LRMDA: variants seen among roughly 807,000 people sequenced by gnomAD.
LRMDA encodes leucine-rich melanocyte differentiation-associated protein.
Under a neutral mutation model 29.8 loss-of-function variants are expected in LRMDA, and 18 were observed. The observed-to-expected ratio is 0.60, with a 90% CI of 0.42 to 0.90. LRMDA has a LOEUF of 0.90. Among genes scored for constraint, LRMDA ranks in the 40% least tolerant of loss-of-function variants. The pLI, the probability that LRMDA is intolerant of heterozygous loss-of-function variation, is 0.00. For synonymous variants in LRMDA, 125 were observed against 109.4 expected (o/e 1.14, Z -0.89); for missense variants, 273 against 273.9 (o/e 1.00, Z 0.02).
chr10:75,894,242 T>C, intron 2 of LRMDA, among the ~76,000 whole-genome samples: 1 of 152,088 alleles, frequency 6.6e-6, no homozygotes, highest in East Asian at 1.9e-4. Flanking sequence ...TGTGTCATCA[T>C]AGCTTAGCTC....
rs187769026 is a variant in LRMDA at position 76,082,540 on chromosome 10, C to T, written c.516+23757C>T. Among the ~76,000 whole-genome samples, 231 of 151,864 alleles carry T rather than the reference C, an allele frequency of 1.5e-3. 1 individual carries two copies. The highest frequency in any genetic ancestry group is 5.3e-3 in the African/African-American group (221 of 41,394). On this transcript the variant is annotated intron_variant, in intron 5 of 6. Transcript: ENST00000611255. ...TTTCCATTAGATGTTTATTGCTCACCGAGAATTGGCTTAGAAACCTGTATT... is the reference window on the plus strand; with the variant it reads ...TTTCCATTAGATGTTTATTGCTCACTGAGAATTGGCTTAGAAACCTGTATT...
chr10:76,171,444 T>C (rs1419825717), intron 5 of LRMDA, among the ~76,000 whole-genome samples: 1 of 152,194 alleles, frequency 6.6e-6, no homozygotes, highest in Non-Finnish European at 1.5e-5. Context: ...CAGCCTATCT[T>C]TGATACATTC....
intron 6 of LRMDA, among the ~76,000 whole-genome samples, chr10:76,355,345 C>T (rs1841226069): frequency 6.6e-6 from 1 of 152,012 alleles, no homozygotes; most frequent in Non-Finnish European, 1.5e-5. Flanking sequence ...CCAGAACTCT[C>T]CGTTAAAGAA....
At chr10:76,514,728 C>T (rs1230769853) in intron 6 of LRMDA, among the ~76,000 whole-genome samples, 1 of 152,102 alleles carries the variant, frequency 6.6e-6, no homozygotes, top group East Asian at 1.9e-4. Flanking sequence ...GGAGTGCAGC[C>T]TGAAAACTGT....
chr10:75,864,779 T>G (rs763741023), intron 2 of LRMDA, among the ~76,000 whole-genome samples: 9 of 152,224 alleles, frequency 5.9e-5, no homozygotes, highest in African/African-American at 1.2e-4. Flanking sequence ...ATATATTCAT[T>G]TTTGTTTTGA....
chr10:75,945,070 G>C (rs1188526104), intron 2 of LRMDA, among the ~76,000 whole-genome samples: 2 of 152,026 alleles, frequency 1.3e-5, no homozygotes, highest in Non-Finnish European at 2.9e-5. Flanking sequence ...TTGTGTCCTG[G>C]ACATTGTAGA....
chr10:75,778,183 T>G (rs928277005), intron 2 of LRMDA, among the ~76,000 whole-genome samples: 1 of 152,178 alleles, frequency 6.6e-6, no homozygotes. Flanking sequence ...GTTCTGGTGA[T>G]TCTCCTGCCT....
intron 5 of LRMDA, among the ~76,000 whole-genome samples, chr10:76,308,421 T>A (rs1469885006): frequency 6.6e-6 from 1 of 152,156 alleles, no homozygotes; most frequent in Non-Finnish European, 1.5e-5. Flanking sequence ...GGGAGCCACA[T>A]GGTGGCTGTT....
At chr10:76,276,540 C>T (rs1840137155) in intron 5 of LRMDA, among the ~76,000 whole-genome samples, 1 of 152,094 alleles carries the variant, frequency 6.6e-6, no homozygotes, top group African/African-American at 2.4e-5. Context: ...TTCTACTTTT[C>T]TACTAATTTA....
At chr10:76,534,317 A>G (rs1324253408) in intron 6 of LRMDA, among the ~76,000 whole-genome samples, 1 of 152,132 alleles carries the variant, frequency 6.6e-6, no homozygotes, top group African/African-American at 2.4e-5. Context: ...AGTGTGTCAC[A>G]CTCGTGAAAG....
rs1194484239 is a variant in LRMDA at position 75,560,330 on chromosome 10, T to A, written c.131+121836T>A. Among the ~76,000 whole-genome samples the A allele has an allele frequency of 9.2e-5, 14 of 151,962 alleles. No homozygotes were observed. The East Asian group carries it at 2.7e-3, about 29-fold the overall frequency. On this transcript the variant is annotated intron_variant, in intron 2 of 6. Transcript: ENST00000611255. ...GGAGTTCACTCATGATTTGGCTCTC[T>A]GTTTGTCTGTTATTGGTGTATAAGA...
intron 2 of LRMDA, among the ~76,000 whole-genome samples, chr10:75,842,104 G>T (rs183277312): frequency 2.6e-5 from 4 of 152,314 alleles, no homozygotes; most frequent in Admixed American, 6.5e-5. Context: ...ACTCTAAGTC[G>T]GGGTTGGCAA....
At chr10:75,995,407 G>A (rs1481356899) in intron 2 of LRMDA, among the ~76,000 whole-genome samples, 1 of 152,130 alleles carries the variant, frequency 6.6e-6, no homozygotes, top group Non-Finnish European at 1.5e-5. Context: ...CTTTGACTTA[G>A]CTGCTGGTTT....
At chr10:76,312,561 A>G (rs979926654) in intron 5 of LRMDA, among the ~76,000 whole-genome samples, 1 of 152,156 alleles carries the variant, frequency 6.6e-6, no homozygotes, top group African/African-American at 2.4e-5. Flanking sequence ...AAAATAAATC[A>G]AGCCCTTAGG....
chr10:75,695,569 C>T (rs749710441), intron 2 of LRMDA, among the ~76,000 whole-genome samples: 1 of 152,072 alleles, frequency 6.6e-6, no homozygotes, highest in East Asian at 1.9e-4. Flanking sequence ...TCTCCCTCCC[C>T]CTCCCTTTAA....
intron 6 of LRMDA, among the ~76,000 whole-genome samples, chr10:76,441,897 C>T (rs1396791875): frequency 2.6e-5 from 4 of 152,166 alleles, no homozygotes; most frequent in African/African-American, 9.7e-5. Context: ...TCTGTGGCAC[C>T]GTGCTCACTG....
At chr10:75,799,680 T>TTGTGTGTGTGTGTGTG (rs57575125) in intron 2 of LRMDA, among the ~76,000 whole-genome samples, 13 of 136,216 alleles carry the variant, frequency 9.5e-5, no homozygotes, top group African/African-American at 3.6e-4. Context: ...ATTCCTAGCT[T>TTGTGTGTGTGTGTGTG]TGTGTGTGTG....
intron 5 of LRMDA, among the ~76,000 whole-genome samples, chr10:76,089,503 T>C (rs1044414533): frequency 2.0e-5 from 3 of 152,366 alleles, no homozygotes; most frequent in Non-Finnish European, 2.9e-5. Flanking sequence ...GCTCTTGGTA[T>C]GCAGGCTTGG....
intron 2 of LRMDA, among the ~76,000 whole-genome samples, chr10:75,545,125 A>G (rs372851920): frequency 6.6e-6 from 1 of 152,216 alleles, no homozygotes; most frequent in East Asian, 1.9e-4. Flanking sequence ...TGCTGCTGGT[A>G]TGTAGTCCGG....
Sources: gnomAD v4.1 joint callset for allele counts (sites outside exome capture counted in the v4.1 genomes callset) on GRCh38, gnomAD v4.1.1 for gene constraint, MANE v1.5 for transcripts, NCBI Gene and HGNC (gene_info 2026-07-23, HGNC 2026-07-21) for gene names.